The following LYPLA1 variants were observed in gnomAD, a reference collection of about 807,000 sequenced individuals.
LYPLA1 encodes lysophospholipase 1.
In LYPLA1, 17 loss-of-function variants were observed where a neutral mutation model predicts 34.0. That is an observed-to-expected ratio of 0.50 (90% CI 0.34 to 0.75). LYPLA1 has a LOEUF of 0.75. LYPLA1 is among the 30% of genes least tolerant of loss of function. The pLI is 0.01. For synonymous variants in LYPLA1, 98 were observed against 100.8 expected (o/e 0.97, Z 0.17); for missense variants, 203 against 288.8 (o/e 0.70, Z 2.15).
At chr8:54,085,968 C>T (rs1338708605) in intron 2 of LYPLA1, among the ~76,000 whole-genome samples, 4 of 152,208 alleles carry the variant, frequency 2.6e-5, no homozygotes, top group South Asian at 2.1e-4. Context: ...GCCATGATGA[C>T]GATGGCGGTT....
chr8:54,069,739 A>T (rs1807329735), intron 2 of LYPLA1, among the ~76,000 whole-genome samples: 1 of 152,074 alleles, frequency 6.6e-6, no homozygotes, highest in Non-Finnish European at 1.5e-5. Flanking sequence ...GAATATACTA[A>T]ATGTCATGAA....
At chr8:54,084,124 G>GAA (rs201545035) in intron 2 of LYPLA1, among the ~76,000 whole-genome samples, 25 of 56,380 alleles carry the variant, frequency 4.4e-4, no homozygotes, top group Admixed American at 1.6e-3. Context: ...GGAGACCAAA[G>GAA]AAAAAAAAAA....
chr8:54,045,542 C>G (rs555451967), downstream of LYPLA1: 1 of 152,132 alleles, frequency 6.6e-6, no homozygotes, highest in Non-Finnish European at 1.5e-5. Flanking sequence ...CATATTTGGT[C>G]CAGAATTTTC....
At chr8:54,065,927 AT>A (rs1227745628) in intron 2 of LYPLA1, 114 bp from the exon 3 acceptor site, 12 of 731,522 alleles carry the variant, frequency 1.6e-5, no homozygotes, top group Non-Finnish European at 2.4e-5. Context: ...TCCTAAAAAT[AT>A]GGTTTTTTTT....
chr8:54,073,315 C>A (rs1467495099), intron 2 of LYPLA1: 1 of 866,110 alleles, frequency 1.2e-6, no homozygotes, highest in Non-Finnish European at 2.0e-6. Context: ...CTTCTATGGA[C>A]GGAACTGTGA....
intron 2 of LYPLA1, among the ~76,000 whole-genome samples, chr8:54,070,588 T>A (rs915021829): frequency 2.0e-5 from 3 of 152,058 alleles, no homozygotes; most frequent in African/African-American, 7.2e-5. Context: ...CCAGGCTTGA[T>A]GGCGCATGCC....
At chr8:54,097,923 T>G (rs1809815608) in intron 2 of LYPLA1, among the ~76,000 whole-genome samples, 1 of 152,210 alleles carries the variant, frequency 6.6e-6, no homozygotes, top group Non-Finnish European at 1.5e-5. Flanking sequence ...TAAGGCTTAT[T>G]TGGATAAAAG....
At chr8:54,060,779 A>G (rs926186152) in intron 5 of LYPLA1, among the ~76,000 whole-genome samples, 4 of 131,794 alleles carry the variant, frequency 3.0e-5, no homozygotes, top group African/African-American at 5.9e-5. Flanking sequence ...TGCAACCTCC[A>G]CCTACTGGGT....
intron 2 of LYPLA1, among the ~76,000 whole-genome samples, chr8:54,079,457 G>A (rs1808150089): frequency 6.6e-6 from 1 of 152,068 alleles, no homozygotes. Flanking sequence ...AGCAATTAAG[G>A]CACTCTTTGT....
In LYPLA1 at chr8:54,052,619, T is replaced by G. The variant is rs564624635; in HGVS notation, c.462+36A>C. On this transcript the variant is annotated intron_variant, in intron 7 of 8. Coordinates refer to ENST00000316963, the MANE Select transcript of LYPLA1 (RefSeq NM_006330.4). ...ACAATATCTACTAGCTACCTTTAGC[T>G]CAGTAATCTCATGTTGAGTGCATCA... is the stretch of plus-strand genomic sequence containing the variant. The G allele has an allele frequency of 6.9e-6, 9 of 1,295,104 alleles. No homozygotes were observed. The African/African-American group carries it at 8.8e-5, about 13-fold the overall frequency. 80.2% of individuals were successfully genotyped at this position (1,295,104 alleles called of 1,614,324 possible).
intron 2 of LYPLA1, among the ~76,000 whole-genome samples, chr8:54,069,589 T>C (rs1265831508): frequency 1.3e-5 from 2 of 151,966 alleles, no homozygotes; most frequent in Non-Finnish European, 2.9e-5. Flanking sequence ...TGCGCACCTG[T>C]AGTCCCAGCT....
rs1351026484 is a variant in LYPLA1 at position 54,063,338 on chromosome 8, T to C, written c.205A>G (p.Met69Val). ...TAAATTCTTACTTACCATGAAGGCA[T>C]AGCCACGTTCATATTTAATGTAACA... ...RPVTLNMNVAMPSWFDIIGLS... is the reference protein window; with the variant it reads ...RPVTLNMNVAVPSWFDIIGLS... Residue 69 changes from methionine (M) to valine (V), a missense_variant, in exon 4 of 9, where the codon ATG becomes GTG. Coordinates refer to ENST00000316963, the MANE Select transcript of LYPLA1 (RefSeq NM_006330.4). 1.3e-6 allele frequency: 2 copies of C among 1,530,098 alleles called. No homozygotes were observed. Among genetic ancestry groups the C allele is most frequent in the Non-Finnish European group, 1.8e-6 (2 of 1,134,516 alleles). The allele number at this position is 1,530,098 out of a possible 1,614,324, so 94.8% of individuals were successfully genotyped here. A position where few individuals can be genotyped will look rare whatever the true frequency, so the allele number is the denominator to read the frequency against.
chr8:54,055,397 G>A (rs1301033594), intron 5 of LYPLA1, among the ~76,000 whole-genome samples: 3 of 152,030 alleles, frequency 2.0e-5, no homozygotes, highest in Non-Finnish European at 4.4e-5. Flanking sequence ...AAACAAAGAA[G>A]TGAACGGTCT....
At chr8:54,061,849 GTTTGTTTTTGTT>G (rs528560067) in intron 5 of LYPLA1, among the ~76,000 whole-genome samples, 1 of 151,914 alleles carries the variant, frequency 6.6e-6, no homozygotes, top group Non-Finnish European at 1.5e-5. Flanking sequence ...GTTTTTTTTG[GTTTGTTTTTGTT>G]TTTGTTTTTC....
chr8:54,076,827 T>C (rs1586138035), intron 2 of LYPLA1, among the ~76,000 whole-genome samples: 2 of 152,256 alleles, frequency 1.3e-5, no homozygotes, highest in Middle Eastern at 6.8e-3. Context: ...TTAATACCTA[T>C]AGAAACAATG....
At chr8:54,069,697 G>A (rs1807325594) in intron 2 of LYPLA1, among the ~76,000 whole-genome samples, 1 of 151,034 alleles carries the variant, frequency 6.6e-6, no homozygotes, top group East Asian at 2.0e-4. Flanking sequence ...GCGACAGAGT[G>A]AGACTCTGTC....
intron 2 of LYPLA1, among the ~76,000 whole-genome samples, chr8:54,095,217 G>A (rs1809594956): frequency 6.6e-6 from 1 of 151,952 alleles, no homozygotes; most frequent in Admixed American, 6.6e-5. Context: ...GGCTGGTACT[G>A]AACTACTGAC....
rs572540172 is a variant in LYPLA1 at position 54,047,698 on chromosome 8, T to G, written c.*367A>C. 5.7e-6 allele frequency: 1 copy of G among 174,320 alleles called. No individual in the cohort carries two copies. The highest frequency in any genetic ancestry group is 1.5e-4 in the East Asian group (1 of 6,574). The allele number at this position is 174,320 out of a possible 1,614,324, so 10.8% of individuals were successfully genotyped here. The stretch of plus-strand genomic sequence containing the variant: ...ACAGCATGCATAAATTGTTTATATC[T>G]TAACTGCTCATTTATACCTGAACAA... On this transcript the variant is annotated 3_prime_UTR_variant, in exon 9 of 9. Coordinates refer to ENST00000316963, the MANE Select transcript of LYPLA1 (RefSeq NM_006330.4).
rs562304819 is a variant in LYPLA1 at position 54,086,327 on chromosome 8, C to A, written c.101+14581G>T. Among the ~76,000 whole-genome samples, 470 of 150,924 alleles carry A rather than the reference C, an allele frequency of 3.1e-3. 1 individual carries two copies. The highest frequency in any genetic ancestry group is 9.6e-3 in the African/African-American group (396 of 41,088). On this transcript the variant is annotated intron_variant, in intron 2 of 8. Transcript: ENST00000316963. ...GCCCTCTGCCTAGGAAAACCAGAGACCTTTGTTCACATGTTTATCTGCTGA... is the reference window on the plus strand; with the variant it reads ...GCCCTCTGCCTAGGAAAACCAGAGAACTTTGTTCACATGTTTATCTGCTGA...
Sources: allele counts gnomAD v4.1 joint callset (sites outside exome capture counted in the v4.1 genomes callset), GRCh38; gene constraint gnomAD v4.1.1; transcripts MANE v1.5; gene names NCBI Gene and HGNC (gene_info 2026-07-23, HGNC 2026-07-21).